Variants in FGFR2 observed in about 807,000 individuals in gnomAD.
The protein encoded by FGFR2 is fibroblast growth factor receptor 2.
Under a neutral mutation model 95.9 loss-of-function variants are expected in FGFR2, and 19 were observed. The ratio of observed to expected loss-of-function variants is 0.20; its 90% CI spans 0.14 to 0.29. The LOEUF (loss-of-function observed/expected upper bound fraction) is 0.29, where lower values mean the gene tolerates loss of function less well. FGFR2 is among the 10% of genes least tolerant of loss of function. The pLI is 1.00. For synonymous variants in FGFR2, 392 were observed against 393.3 expected (o/e 1.00, Z 0.04); for missense variants, 707 against 1,056.9 (o/e 0.67, Z 4.59).
intron 11 of FGFR2, among the ~76,000 whole-genome samples, chr10:121,500,058 G>A (rs1847391986): frequency 6.6e-6 from 1 of 152,106 alleles, no homozygotes; most frequent in African/African-American, 2.4e-5. Flanking sequence ...GAAACACTCG[G>A]CATGGGATCT....
At chr10:121,587,973 CAA>C (rs1862083105) in intron 2 of FGFR2, among the ~76,000 whole-genome samples, 1 of 152,140 alleles carries the variant, frequency 6.6e-6, no homozygotes, top group South Asian at 2.1e-4. Flanking sequence ...TTCACAATAG[CAA>C]AGACATGGAA....
chr10:121,542,178 A>T (rs938234713), intron 5 of FGFR2, among the ~76,000 whole-genome samples: 6 of 152,054 alleles, frequency 3.9e-5, no homozygotes, highest in East Asian at 1.9e-4. Flanking sequence ...CAATTTATTT[A>T]AAAAAAAGAA....
intron 5 of FGFR2, among the ~76,000 whole-genome samples, chr10:121,545,978 C>A (rs561644261): frequency 6.6e-6 from 1 of 152,086 alleles, no homozygotes; most frequent in African/African-American, 2.4e-5. Flanking sequence ...CTCTGTCCTG[C>A]GATCTCTCTT....
intron 9 of FGFR2, among the ~76,000 whole-genome samples, chr10:121,513,874 G>A (rs1361355808): frequency 6.6e-6 from 1 of 152,176 alleles, no homozygotes; most frequent in African/African-American, 2.4e-5. Context: ...TCAGCCAGGA[G>A]TTTGAAGCTG....
chr10:121,536,648 C>T (rs925304957), intron 6 of FGFR2, among the ~76,000 whole-genome samples: 1 of 152,140 alleles, frequency 6.6e-6, no homozygotes, highest in Non-Finnish European at 1.5e-5. Context: ...AGGGATGAGC[C>T]GCCAGAAAGC....
intron 9 of FGFR2, among the ~76,000 whole-genome samples, chr10:121,507,226 A>G (rs1848431438): frequency 6.6e-6 from 1 of 152,150 alleles, no homozygotes; most frequent in Non-Finnish European, 1.5e-5. Flanking sequence ...CAGTTTGAGC[A>G]CTCACTCACT....
chr10:121,508,395 A>T (rs1848599620), intron 9 of FGFR2, among the ~76,000 whole-genome samples: 1 of 152,202 alleles, frequency 6.6e-6, no homozygotes, highest in African/African-American at 2.4e-5. Flanking sequence ...TCCTAATGAC[A>T]AATATGGCTT....
At chr10:121,520,359 C>T (rs562031500) in intron 6 of FGFR2, among the ~76,000 whole-genome samples, 190 bp from the exon 7 acceptor site, 23 of 152,260 alleles carry the variant, frequency 1.5e-4, no homozygotes, top group African/African-American at 2.4e-4. Flanking sequence ...TGCCGGAGCG[C>T]GACCCTTGTA....
At chr10:121,537,119 C>A (rs963015043) in intron 6 of FGFR2, among the ~76,000 whole-genome samples, 1 of 152,196 alleles carries the variant, frequency 6.6e-6, no homozygotes, top group Admixed American at 6.5e-5. Flanking sequence ...GTAATTCTCA[C>A]TAAGAAACAT....
chr10:121,532,163 G>T (rs1852163767), intron 6 of FGFR2, among the ~76,000 whole-genome samples: 1 of 152,180 alleles, frequency 6.6e-6, no homozygotes, highest in Admixed American at 6.5e-5. Flanking sequence ...AAAATCAAAT[G>T]AGCCCTGGCC....
chr10:121,564,493 G>T lies in FGFR2; in HGVS notation c.454+9C>A. The T allele has an allele frequency of 6.2e-7, 1 of 1,613,190 alleles. No individual in the cohort carries two copies. On this transcript the variant is annotated intron_variant, in intron 4 of 17. Coordinates refer to ENST00000358487, the MANE Select transcript of FGFR2 (RefSeq NM_000141.5). The stretch of plus-strand genomic sequence containing the variant: ...TCTCGGGGACCATCGGAGCCGGGCA[G>T]TTACTTACTCTTGTTGTTACTGTTC...
chr10:121,558,883 G>C (rs537124735), intron 4 of FGFR2, among the ~76,000 whole-genome samples: 1 of 151,912 alleles, frequency 6.6e-6, no homozygotes, highest in Admixed American at 6.6e-5. Context: ...CACCGCGCCC[G>C]ATCTTTAATT....
intron 6 of FGFR2, among the ~76,000 whole-genome samples, chr10:121,523,924 A>G (rs1257514706): frequency 1.3e-5 from 2 of 152,210 alleles, no homozygotes; most frequent in South Asian, 2.1e-4. Flanking sequence ...CCCCGTGAAC[A>G]ATGAGTGCTT....
intron 9 of FGFR2, among the ~76,000 whole-genome samples, chr10:121,510,694 A>T (rs1480949941): frequency 6.6e-6 from 1 of 152,006 alleles, no homozygotes; most frequent in Non-Finnish European, 1.5e-5. Context: ...CTCCCCCTTC[A>T]TCTTGGTCCT....
intron 6 of FGFR2, among the ~76,000 whole-genome samples, chr10:121,528,178 T>A (rs957486462): frequency 2.0e-5 from 3 of 152,180 alleles, no homozygotes; most frequent in Non-Finnish European, 4.4e-5. Flanking sequence ...TAAGGCCCCT[T>A]AGCTTTAAAA....
At chr10:121,585,250 T>A (rs1861656091) in intron 2 of FGFR2, among the ~76,000 whole-genome samples, 1 of 152,190 alleles carries the variant, frequency 6.6e-6, no homozygotes, top group Non-Finnish European at 1.5e-5. Flanking sequence ...AAGCCCAAGA[T>A]AATAAAAAGG....
chr10:121,539,931 C>T lies in FGFR2; in HGVS notation c.625-1216G>A, dbSNP rs1589911659. Reference sequence around the variant, plus strand: ...TTGCAAAGCAGCGCCAGTGATTAGCCTGCCAACAGAGTTAAGAGATGCGAA... The same window carrying T: ...TTGCAAAGCAGCGCCAGTGATTAGCTTGCCAACAGAGTTAAGAGATGCGAA... On this transcript the variant is annotated intron_variant, in intron 5 of 17. Transcript: ENST00000358487. Among the ~76,000 whole-genome samples, 2 of 152,324 alleles carry T rather than the reference C, an allele frequency of 1.3e-5. 1 individual carries two copies. The highest frequency in any genetic ancestry group is 3.9e-4 in the East Asian group (2 of 5,180).
intron 2 of FGFR2, chr10:121,583,597 T>A (rs1180340483): frequency 6.5e-6 from 1 of 153,070 alleles, no homozygotes; most frequent in Non-Finnish European, 1.5e-5. Flanking sequence ...CAAAGTATAA[T>A]CATTAAACAT....
chr10:121,487,454 A>C, intron 14 of FGFR2, 30 bp from the exon 15 acceptor site: 1 of 1,567,104 alleles, frequency 6.4e-7, no homozygotes, highest in South Asian at 1.1e-5. Context: ...TGCAAAAACT[A>C]AATATATTTA....
Sources: allele counts gnomAD v4.1 joint callset (sites outside exome capture counted in the v4.1 genomes callset), GRCh38; gene constraint gnomAD v4.1.1; transcripts MANE v1.5; gene names NCBI Gene and HGNC (gene_info 2026-07-23, HGNC 2026-07-21).